SLC41A2: variants seen among roughly 807,000 people sequenced by gnomAD.
SLC41A2 encodes solute carrier family 41 member 2, also known as SLC41A1-like 1.
In SLC41A2, 32 loss-of-function variants were observed where a neutral mutation model predicts 58.3. That is an observed-to-expected ratio of 0.55 (90% confidence interval 0.41 to 0.74). SLC41A2 has a LOEUF of 0.74. SLC41A2 is among the 30% of genes least tolerant of loss of function. The pLI is 0.00. For synonymous variants in SLC41A2, 190 were observed against 235.0 expected (o/e 0.81, Z 1.75); for missense variants, 514 against 680.6 (o/e 0.76, Z 2.72).
At chr12:104,888,066 T>TA (rs1268247524) in intron 5 of SLC41A2, among the ~76,000 whole-genome samples, 2 of 151,950 alleles carry the variant, frequency 1.3e-5, no homozygotes, top group Non-Finnish European at 2.9e-5. Context: ...CAAATGAGCC[T>TA]AAAAAAATAG....
At chr12:104,873,231 T>C (rs994730580) in intron 6 of SLC41A2, among the ~76,000 whole-genome samples, 1 of 152,166 alleles carries the variant, frequency 6.6e-6, no homozygotes, top group African/African-American at 2.4e-5. Flanking sequence ...TTCGTTCCTA[T>C]GTATCTGACA....
intron 8 of SLC41A2, among the ~76,000 whole-genome samples, chr12:104,847,747 CACTT>C (rs1422329156): frequency 4.6e-5 from 7 of 152,086 alleles, no homozygotes; most frequent in Non-Finnish European, 1.5e-5. Flanking sequence ...AGTAAGTCCT[CACTT>C]AATGTCATTG....
rs71440558 is a variant in SLC41A2, at chr12:104,897,144, C to CTTT, written c.664-1802_664-1800dup. Among the ~76,000 whole-genome samples the CTTT allele has an allele frequency of 3.3e-4, 40 of 120,284 alleles. 1 individual carries two copies. Among genetic ancestry groups the CTTT allele is most frequent in the East Asian group, 4.6e-4 (2 of 4,348 alleles). The allele number at this position is 120,284 out of a possible 152,430, so 78.9% of individuals were successfully genotyped here. The stretch of plus-strand genomic sequence containing the variant: ...ACCCAGAGTGACACTTTTCTTTTTT[C>CTTT]TTTTTTTTTTTTTTTTTTTGAGACA... On this transcript the variant is annotated intron_variant, in intron 3 of 10. Transcript: ENST00000258538.
At chr12:104,821,582 C>G (rs1354457841) in intron 10 of SLC41A2, among the ~76,000 whole-genome samples, 1 of 152,122 alleles carries the variant, frequency 6.6e-6, no homozygotes, top group Non-Finnish European at 1.5e-5. Context: ...ATCTCAAATA[C>G]AATGCTGAGC....
chr12:104,912,908 G>A (rs982641905), intron 2 of SLC41A2, among the ~76,000 whole-genome samples: 15 of 152,152 alleles, frequency 9.9e-5, no homozygotes, highest in Non-Finnish European at 2.2e-4. Flanking sequence ...TGCTTGGTGT[G>A]TAGGGTAAAA....
intron 10 of SLC41A2, among the ~76,000 whole-genome samples, chr12:104,831,099 A>G (rs7305882): frequency 0.019 from 2,941 of 152,176 alleles, 116 homozygotes; most frequent in African/African-American, 0.066. Context: ...GAGATGGGGT[A>G]TCACTATGTT....
In SLC41A2 at chr12:104,804,617, C is replaced by T. The variant is rs2040827327; in HGVS notation, c.*535G>A. ...GAGGTAAAAGTGAGTTTATCTTATG[C>T]TCAGCAAAACATATTTAGGTCAGTT... is the stretch of plus-strand genomic sequence containing the variant. On this transcript the variant is annotated 3_prime_UTR_variant, in exon 11 of 11. Transcript: ENST00000258538. 2 of 152,322 alleles carry T rather than the reference C, an allele frequency of 1.3e-5. No individual in the cohort carries two copies. Among genetic ancestry groups the T allele is most frequent in the South Asian group, 2.1e-4 (1 of 4,834 alleles). 9.4% of individuals were successfully genotyped at this position (152,322 alleles called of 1,614,324 possible). A position where few individuals can be genotyped will look rare whatever the true frequency, so the allele number is the denominator to read the frequency against.
intron 10 of SLC41A2, among the ~76,000 whole-genome samples, chr12:104,818,737 C>T (rs745424982): frequency 2.0e-5 from 3 of 152,002 alleles, no homozygotes; most frequent in African/African-American, 2.4e-5. Flanking sequence ...ATTAGCTGGG[C>T]GTGGTGGCAA....
intron 6 of SLC41A2, among the ~76,000 whole-genome samples, chr12:104,872,001 A>C (rs1299378285): frequency 6.6e-6 from 1 of 152,164 alleles, no homozygotes; most frequent in Admixed American, 6.5e-5. Flanking sequence ...AAAATCTATA[A>C]ATGTAGGCTT....
chr12:104,843,724 A>G (rs1468428953), intron 10 of SLC41A2, among the ~76,000 whole-genome samples: 1 of 152,156 alleles, frequency 6.6e-6, no homozygotes, highest in African/African-American at 2.4e-5. Context: ...TGAAGTTTTA[A>G]TCTTTTCTTC....
chr12:104,894,644 A>G (rs2045191099), intron 4 of SLC41A2, among the ~76,000 whole-genome samples: 1 of 152,190 alleles, frequency 6.6e-6, no homozygotes, highest in East Asian at 1.9e-4. Flanking sequence ...TACCAAAATT[A>G]GTGTGCATTC....
chr12:104,817,998 A>T (rs777115083), intron 10 of SLC41A2, among the ~76,000 whole-genome samples: 1 of 152,248 alleles, frequency 6.6e-6, no homozygotes, highest in Non-Finnish European at 1.5e-5. Context: ...CATCACAAAA[A>T]AATGATAATT....
chr12:104,860,109 A>G (rs1278578344), intron 8 of SLC41A2, among the ~76,000 whole-genome samples: 2 of 152,130 alleles, frequency 1.3e-5, no homozygotes, highest in Non-Finnish European at 2.9e-5. Flanking sequence ...ATCCTGGGAC[A>G]TGTTTTTCCC....
chr12:104,954,553 T>C (rs1446980084), intron 1 of SLC41A2, among the ~76,000 whole-genome samples: 3 of 152,208 alleles, frequency 2.0e-5, no homozygotes, highest in East Asian at 3.8e-4. Context: ...TGTATATCCA[T>C]TGGGTAAGTT....
intron 10 of SLC41A2, among the ~76,000 whole-genome samples, chr12:104,822,903 T>C (rs147670520): frequency 1.3e-5 from 2 of 152,094 alleles, no homozygotes; most frequent in Admixed American, 1.3e-4. Context: ...ACTCACTATA[T>C]TGAGAGGGAA....
intron 2 of SLC41A2, among the ~76,000 whole-genome samples, chr12:104,916,448 T>A (rs2046325120): frequency 6.6e-6 from 1 of 152,158 alleles, no homozygotes; most frequent in Non-Finnish European, 1.5e-5. Flanking sequence ...ACCAATGACT[T>A]TCTTCACAGA....
intron 1 of SLC41A2, among the ~76,000 whole-genome samples, chr12:104,938,129 C>T (rs2135932750): frequency 6.6e-6 from 1 of 152,110 alleles, no homozygotes; most frequent in East Asian, 1.9e-4. Context: ...GGAATTAATC[C>T]ATGAGAAAGG....
At chr12:104,931,295 A>G (rs925299200) in intron 1 of SLC41A2, among the ~76,000 whole-genome samples, 2 of 152,198 alleles carry the variant, frequency 1.3e-5, no homozygotes, top group Non-Finnish European at 2.9e-5. Context: ...TGGTATCTCC[A>G]TTACCTATGG....
At chr12:104,943,911 G>A (rs1427231768) in intron 1 of SLC41A2, among the ~76,000 whole-genome samples, 8 of 152,108 alleles carry the variant, frequency 5.3e-5, no homozygotes, top group Non-Finnish European at 8.8e-5. Context: ...ATCATCTATC[G>A]CCTGAGAGCA....
Sources: allele counts gnomAD v4.1 joint callset (sites outside exome capture counted in the v4.1 genomes callset), GRCh38; gene constraint gnomAD v4.1.1; transcripts MANE v1.5; gene names NCBI Gene and HGNC (gene_info 2026-07-23, HGNC 2026-07-21).